The following GTF3C5 variants were observed in gnomAD, a reference collection of about 807,000 sequenced individuals.
The protein encoded by GTF3C5 is general transcription factor 3C polypeptide 5.
Under a neutral mutation model 61.0 loss-of-function variants are expected in GTF3C5, and 47 were observed. The ratio of observed to expected loss-of-function variants is 0.77; its 90% CI spans 0.61 to 0.98. The LOEUF is 0.98. GTF3C5 is among the 50% of genes least tolerant of loss of function. The pLI is 0.00. For missense variants in GTF3C5, 659 were observed against 703.3 expected (o/e 0.94, Z 0.71); for synonymous variants, 295 against 275.4 (o/e 1.07, Z -0.71).
chr9:133,041,338 C>T (rs1339081472), intron 1 of GTF3C5, among the ~76,000 whole-genome samples: 4 of 152,222 alleles, frequency 2.6e-5, no homozygotes, highest in South Asian at 2.1e-4. Context: ...TCAGTGGTCA[C>T]GCTCCTAGTC....
chr9:133,058,202 GTATACCC>G lies in GTF3C5; in HGVS notation c.*224_*230del. The G allele has an allele frequency of 7.5e-7, 1 of 1,333,108 alleles. No homozygotes were observed. The highest frequency in any genetic ancestry group is 9.6e-7 in the Non-Finnish European group (1 of 1,037,470). 82.6% of individuals were successfully genotyped at this position (1,333,108 alleles called of 1,614,324 possible). A position where few individuals can be genotyped will look rare whatever the true frequency, so the allele number is the denominator to read the frequency against. ...GAGGGGTTAGGGACATCCCCAAAGG[GTATACCC>G]TGGCTCTGCCACCCATGAACCAGCC... On this transcript the variant is annotated 3_prime_UTR_variant, in exon 11 of 11. Transcript: ENST00000372097.
At chr9:133,053,456 G>A (rs1345383920) in intron 5 of GTF3C5, among the ~76,000 whole-genome samples, 2 of 152,062 alleles carry the variant, frequency 1.3e-5, no homozygotes, top group Non-Finnish European at 2.9e-5. Flanking sequence ...GTGGTGGCTC[G>A]TGCCTGTAGT....
At chr9:133,051,050 T>C in intron 4 of GTF3C5, 72 bp downstream of exon 4, 5 of 1,204,524 alleles carry the variant, frequency 4.2e-6, no homozygotes, top group Non-Finnish European at 5.7e-6. Context: ...ACCCAGCTGC[T>C]CCCTGTTCCT....
At position 133,058,290 on chromosome 9, in the gene GTF3C5, G is replaced by T; in HGVS notation, c.*310G>T. ...GCCTCTCAGGATGAGACCAGTAAATGCCGGAGGTGGAGCTGGGCAGCTGTG... is the reference window on the plus strand; with the variant it reads ...GCCTCTCAGGATGAGACCAGTAAATTCCGGAGGTGGAGCTGGGCAGCTGTG... On this transcript the variant is annotated 3_prime_UTR_variant, in exon 11 of 11. Coordinates refer to ENST00000372097, the MANE Select transcript of GTF3C5 (RefSeq NM_012087.4). 1 of 444,854 alleles carries T rather than the reference G, an allele frequency of 2.2e-6. No individual in the cohort carries two copies. Among genetic ancestry groups the T allele is most frequent in the Non-Finnish European group, 3.3e-6 (1 of 302,814 alleles). 27.6% of individuals were successfully genotyped at this position (444,854 alleles called of 1,614,324 possible).
At position 133,056,864 on chromosome 9, in the gene GTF3C5, C is replaced by T. The variant is rs770781582; in HGVS notation, c.1349C>T (p.Thr450Ile). 1.2e-6 allele frequency: 2 copies of T among 1,610,088 alleles called. No individual in the cohort carries two copies. The highest frequency in any genetic ancestry group is 1.1e-5 in the South Asian group (1 of 90,414). Reference protein sequence around the residue: ...LPKTSDELRDTMSLMIRQTIR... With the variant: ...LPKTSDELRDIMSLMIRQTIR... ...AAGACCAGCGACGAGCTCAGGGACA[C>T]CATGTCCCTCATGATCCGGCAGACC... The change falls in exon 10 of 11, where the codon ACC (threonine) becomes ATC (isoleucine). Residue 450 changes from threonine to isoleucine, a missense_variant. Physicochemically the swap from Thr to Ile is moderately conservative, Grantham distance 89. Coordinates refer to ENST00000372097, the MANE Select transcript of GTF3C5 (RefSeq NM_012087.4).
chr9:133,056,798 C>T lies in GTF3C5; in HGVS notation c.1283C>T (p.Ala428Val). The stretch of plus-strand genomic sequence containing the variant: ...AAGATCATTCACCGCAATGACGGGG[C>T]AGAGAATTCCTGCACAGAACGGGAT... The part of the protein sequence containing the change: ...LQKIIHRNDG[A>V]ENSCTERDGW... The change falls in exon 10 of 11, where the codon GCA (alanine) becomes GTA (valine). Residue 428 changes from alanine (A) to valine (V), a missense_variant. By Grantham distance (64) the Ala-to-Val change is moderately conservative. Transcript: ENST00000372097. The T allele has an allele frequency of 6.2e-7, 1 of 1,609,938 alleles. No homozygotes were observed. Among genetic ancestry groups the T allele is most frequent in the Non-Finnish European group, 8.5e-7 (1 of 1,178,012 alleles).
In GTF3C5 at chr9:133,058,255, G is replaced by C. The variant is rs1245428966; in HGVS notation, c.*275G>C. The C allele has an allele frequency of 8.2e-6, 7 of 857,102 alleles. No homozygotes were observed. The East Asian group carries it at 2.7e-4, about 33-fold the overall frequency. 53.1% of individuals were successfully genotyped at this position (857,102 alleles called of 1,614,324 possible). On this transcript the variant is annotated 3_prime_UTR_variant, in exon 11 of 11. Transcript: ENST00000372097. ...CAGCCCAGCATCCAGCCAGTGAGTG[G>C]GCACCCAATGCCTCTCAGGATGAGA...
In GTF3C5 at chr9:133,031,244, AG is replaced by A. The variant is rs1027320413; in HGVS notation, c.153+83del. ...CGAGCACTCAAAGGATTTCTCAGCA[AG>A]GGAAATTTAGCAAATTTACTTACGC... On this transcript the variant is annotated intron_variant, in intron 1 of 10. Coordinates refer to ENST00000372097, the MANE Select transcript of GTF3C5 (RefSeq NM_012087.4). 3.1e-6 allele frequency: 4 copies of A among 1,306,450 alleles called. No individual in the cohort carries two copies. The African/African-American group carries it at 5.9e-5, about 19-fold the overall frequency. 80.9% of individuals were successfully genotyped at this position (1,306,450 alleles called of 1,614,324 possible).
intron 1 of GTF3C5, among the ~76,000 whole-genome samples, chr9:133,041,356 A>T (rs903958599): frequency 3.3e-5 from 5 of 152,154 alleles, no homozygotes; most frequent in Non-Finnish European, 5.9e-5. Flanking sequence ...GTCCACCTTC[A>T]TGTTCCGTCC....
intron 3 of GTF3C5, among the ~76,000 whole-genome samples, chr9:133,046,131 G>A (rs755533988): frequency 6.6e-6 from 1 of 152,134 alleles, no homozygotes; most frequent in Non-Finnish European, 1.5e-5. Flanking sequence ...TTTGAGACCA[G>A]CCTGGGCAAT....
chr9:133,043,629 G>A (rs1850102454), intron 2 of GTF3C5, 99 bp from the exon 3 acceptor site: 5 of 916,646 alleles, frequency 5.5e-6, no homozygotes, highest in Non-Finnish European at 5.3e-6. Context: ...TCCACCACAT[G>A]GCCCACTCAG....
chr9:133,042,568 T>C (rs1301866330), intron 2 of GTF3C5, among the ~76,000 whole-genome samples: 2 of 152,222 alleles, frequency 1.3e-5, no homozygotes. Flanking sequence ...AATGAAACCA[T>C]TGTGTGGGAC....
At chr9:133,041,110 G>A (rs1850025963) in intron 1 of GTF3C5, among the ~76,000 whole-genome samples, 1 of 152,258 alleles carries the variant, frequency 6.6e-6, no homozygotes, top group Admixed American at 6.5e-5. Context: ...AGTAACGCCA[G>A]TGTCTGGGAA....
chr9:133,049,825 C>G (rs531707723), intron 3 of GTF3C5, among the ~76,000 whole-genome samples: 5 of 152,102 alleles, frequency 3.3e-5, no homozygotes, highest in African/African-American at 1.2e-4. Context: ...CAAAATAAGG[C>G]GCAGCGATTT....
intron 3 of GTF3C5, among the ~76,000 whole-genome samples, chr9:133,045,637 TTTC>T (rs1850181203): frequency 6.6e-6 from 1 of 152,078 alleles, no homozygotes; most frequent in African/African-American, 2.4e-5. Context: ...AGGGCCTTTT[TTTC>T]TTTTTCTTTT....
Position 133,057,971 on chromosome 9 carries a change from C to T in GTF3C5, c.1551C>T (p.Asp517=), listed in dbSNP as rs1207494815. The change falls in exon 11 of 11, where the codon GAC becomes GAT. Residue 517 remains aspartate (D), a synonymous_variant. Coordinates refer to ENST00000372097, the MANE Select transcript of GTF3C5 (RefSeq NM_012087.4). The stretch of plus-strand genomic sequence containing the variant: ...ACGAAATGGAGACAGAGATTCTGGA[C>T]TACGTGTGACAGGGCCCAAGGCTGG... ...SENEMETEIL[D]YV 4 of 1,613,920 alleles carry T rather than the reference C, an allele frequency of 2.5e-6. No individual in the cohort carries two copies. The highest frequency in any genetic ancestry group is 3.4e-6 in the Non-Finnish European group (4 of 1,180,002).
At position 133,057,881 on chromosome 9, in the gene GTF3C5, C is replaced by A; in HGVS notation, c.1461C>A (p.Asp487Glu). The stretch of plus-strand genomic sequence containing the variant: ...AGCTGACGTACGAGTCTGGGGAAGA[C>A]GAGGAGGATGAGGAGGAGGAGGAAG... ...KEQLTYESGEDEEDEEEEEEE... is the reference protein window; with the variant it reads ...KEQLTYESGEEEEDEEEEEEE... Residue 487 changes from aspartate to glutamate, a missense_variant, in exon 11 of 11, where the codon GAC (aspartate) becomes GAA (glutamate). Coordinates refer to ENST00000372097, the MANE Select transcript of GTF3C5 (RefSeq NM_012087.4). The A allele has an allele frequency of 6.2e-7, 1 of 1,613,538 alleles. No homozygotes were observed. Among genetic ancestry groups the A allele is most frequent in the Non-Finnish European group, 8.5e-7 (1 of 1,179,878 alleles).
intron 5 of GTF3C5, among the ~76,000 whole-genome samples, chr9:133,053,282 A>G (rs777068011): frequency 5.3e-5 from 8 of 152,106 alleles, no homozygotes; most frequent in Non-Finnish European, 1.2e-4. Flanking sequence ...ATCTCATTTA[A>G]TCCTCTGAAA....
At chr9:133,047,710 C>T (rs536247607) in intron 3 of GTF3C5, among the ~76,000 whole-genome samples, 21 of 152,234 alleles carry the variant, frequency 1.4e-4, no homozygotes, top group Middle Eastern at 3.4e-3. Flanking sequence ...TTAGTAAAGA[C>T]GGGGTTTCAC....
Sources: allele counts gnomAD v4.1 joint callset (sites outside exome capture counted in the v4.1 genomes callset), GRCh38; gene constraint gnomAD v4.1.1; transcripts MANE v1.5; gene names NCBI Gene and HGNC (gene_info 2026-07-23, HGNC 2026-07-21).